TRAFD1: variants seen among roughly 807,000 people sequenced by gnomAD.
TRAFD1 encodes TRAF-type zinc finger domain containing 1.
Under a neutral mutation model 65.3 loss-of-function variants are expected in TRAFD1, and 38 were observed. That is an observed-to-expected ratio of 0.58 (90% CI 0.45 to 0.76). The LOEUF (loss-of-function observed/expected upper bound fraction) is 0.76. Ranked by LOEUF, TRAFD1 falls within the 30% of genes least tolerant of loss-of-function variation. The pLI is 0.00. For missense variants in TRAFD1, 631 were observed against 712.6 expected (o/e 0.89, Z 1.30); for synonymous variants, 223 against 257.2 (o/e 0.87, Z 1.27).
intron 8 of TRAFD1, 151 bp from the exon 9 acceptor site, chr12:112,149,600 C>G: frequency 1.0e-6 from 1 of 974,790 alleles, no homozygotes; most frequent in South Asian, 1.7e-5. Flanking sequence ...TGCAACCATT[C>G]CAGATGTGTG....
At chr12:112,143,123 A>C (rs1160371800) in intron 6 of TRAFD1, among the ~76,000 whole-genome samples, 1 of 151,166 alleles carries the variant, frequency 6.6e-6, no homozygotes, top group Non-Finnish European at 1.5e-5. Flanking sequence ...TCTGTTGCCC[A>C]GGCTGGAGTG....
chr12:112,147,774 CA>C lies in TRAFD1; in HGVS notation c.928-298del, dbSNP rs1354852378. On this transcript the variant is annotated intron_variant, in intron 7 of 11. Transcript: ENST00000412615. ...GCAACCTCTGCCTCTCAGGTTCAAG[CA>C]ATTCTCTGCCTCAGCCTCCCAGGTA... Among the ~76,000 whole-genome samples, 3 of 151,746 alleles carry C rather than the reference CA, an allele frequency of 2.0e-5. No individual in the cohort carries two copies. In the East Asian group the frequency reaches 5.8e-4, roughly 30 times the overall value.
rs754272953 is a variant in TRAFD1, at chr12:112,152,057, A to G, written c.1536A>G (p.Ser512=). ...GGGCCATAGCCCCTGGGCACGTTTC[A>G]GTGATTCGCCCTCCTCAAAATCTCT... ...QNGAIAPGHV[S]VIRPPQNLYP... The change falls in exon 10 of 12, where the codon TCA becomes TCG. Residue 512 remains serine (S), a synonymous_variant. Coordinates refer to ENST00000412615, the MANE Select transcript of TRAFD1 (RefSeq NM_006700.3). This position sits in a 1 kb window ranked among gnomAD's most constrained non-coding sequence, Gnocchi z 5.0. 2 of 1,614,238 alleles carry G rather than the reference A, an allele frequency of 1.2e-6. No individual in the cohort carries two copies. The highest frequency in any genetic ancestry group is 4.5e-5 in the East Asian group (2 of 44,876).
intron 1 of TRAFD1, among the ~76,000 whole-genome samples, chr12:112,127,962 C>T (rs904008762): frequency 7.2e-5 from 11 of 152,012 alleles, no homozygotes; most frequent in African/African-American, 2.4e-4. Flanking sequence ...CCCAGCCTTC[C>T]AGAGTGCTGG....
rs1244622845 is a variant in TRAFD1, at chr12:112,130,585, T to C, written c.47+16T>C. Reference sequence around the variant, plus strand: ...GTGACAACTGGTAAGACATTAAATCTAAGAAATGTTAGTGGAATGAGGACA... The same window carrying C: ...GTGACAACTGGTAAGACATTAAATCCAAGAAATGTTAGTGGAATGAGGACA... On this transcript the variant is annotated intron_variant, in intron 2 of 11. Transcript: ENST00000412615. The surrounding 1 kb of genome is among the most constrained non-coding windows in gnomAD (Gnocchi z 4.4). The C allele has an allele frequency of 6.2e-6, 10 of 1,607,746 alleles. No individual in the cohort carries two copies. Among genetic ancestry groups the C allele is most frequent in the Admixed American group, 1.7e-5 (1 of 59,738 alleles).
At chr12:112,148,331 T>A (rs780604751) in intron 8 of TRAFD1, 27 bp downstream of exon 8, 2 of 1,598,398 alleles carry the variant, frequency 1.3e-6, no homozygotes, top group South Asian at 2.2e-5. Flanking sequence ...TCCCTGTCCA[T>A]GTGGCTCTGT....
chr12:112,141,022 C>T lies in TRAFD1; in HGVS notation c.441C>T (p.Ala147=), dbSNP rs1235371401. ...GGGAGGAAAAGAGAAATGAGGTTGC[C>T]ATACCTCCTAATGCATATGATGAAT... ...REGEEKRNEV[A]IPPNAYDESW... The change falls in exon 5 of 12, where the codon GCC becomes GCT. Residue 147 remains alanine (A), a synonymous_variant. Coordinates refer to ENST00000412615, the MANE Select transcript of TRAFD1 (RefSeq NM_006700.3). 1 of 1,614,150 alleles carries T rather than the reference C, an allele frequency of 6.2e-7. No individual in the cohort carries two copies. The highest frequency in any genetic ancestry group is 8.5e-7 in the Non-Finnish European group (1 of 1,180,014).
At chr12:112,129,423 ACTC>A (rs1414622801) in intron 1 of TRAFD1, among the ~76,000 whole-genome samples, 1 of 150,844 alleles carries the variant, frequency 6.6e-6, no homozygotes, top group African/African-American at 2.4e-5. Flanking sequence ...CTGATCTTAA[ACTC>A]CTGGGTTCAA....
chr12:112,134,151 C>T (rs536528466), intron 2 of TRAFD1, among the ~76,000 whole-genome samples: 1 of 151,554 alleles, frequency 6.6e-6, no homozygotes, highest in South Asian at 2.1e-4. Flanking sequence ...GCTGAGATTA[C>T]AGGCATGTGC....
chr12:112,134,046 T>G (rs1270743537), intron 2 of TRAFD1, among the ~76,000 whole-genome samples: 5 of 148,104 alleles, frequency 3.4e-5, no homozygotes, highest in Admixed American at 6.7e-5. Flanking sequence ...GTTTTGCTCT[T>G]GTTGCCCAGG....
intron 6 of TRAFD1, among the ~76,000 whole-genome samples, chr12:112,145,312 T>C (rs2030208530): frequency 6.6e-6 from 1 of 152,208 alleles, no homozygotes; most frequent in South Asian, 2.1e-4. Flanking sequence ...TTTAAATCGC[T>C]TCCTTAGAGT....
At chr12:112,126,635 G>A (rs1848110506) in intron 1 of TRAFD1, among the ~76,000 whole-genome samples, 1 of 151,900 alleles carries the variant, frequency 6.6e-6, no homozygotes, top group South Asian at 2.1e-4. Flanking sequence ...TTCCTTAGTT[G>A]CCATTTCATA....
Position 112,152,746 on chromosome 12 carries a change from C to A in TRAFD1, c.1704C>A (p.Ser568=). The A allele has an allele frequency of 6.2e-7, 1 of 1,614,202 alleles. No individual in the cohort carries two copies. The highest frequency in any genetic ancestry group is 2.2e-5 in the East Asian group (1 of 44,896). The change falls in exon 12 of 12, where the codon TCC becomes TCA. Residue 568 remains serine (S), a synonymous_variant. Coordinates refer to ENST00000412615, the MANE Select transcript of TRAFD1 (RefSeq NM_006700.3). This position sits in a 1 kb window ranked among gnomAD's most constrained non-coding sequence, Gnocchi z 5.0. ...YRSRTAKAKP[S]KQQGAGDAEE... is the part of the protein sequence containing the mutation. ...GTGTTGTTCACCAGGCAAAGCCTTC[C>A]AAGCAACAGGGAGCTGGGGATGCAG...
chr12:112,145,789 C>G, intron 7 of TRAFD1, 127 bp downstream of exon 7: 1 of 809,922 alleles, frequency 1.2e-6, no homozygotes, highest in Non-Finnish European at 2.0e-6. Flanking sequence ...AGCAAGTGTT[C>G]TTTTCCATGA....
At chr12:112,142,484 C>T (rs988987525) in intron 6 of TRAFD1, among the ~76,000 whole-genome samples, 189 bp downstream of exon 6, 7 of 151,904 alleles carry the variant, frequency 4.6e-5, no homozygotes, top group African/African-American at 9.7e-5. Context: ...GTAATGATCT[C>T]GGCTCACTGC....
At chr12:112,139,492 C>T (rs1476339861) in intron 4 of TRAFD1, among the ~76,000 whole-genome samples, 2 of 151,454 alleles carry the variant, frequency 1.3e-5, no homozygotes, top group African/African-American at 2.4e-5. Flanking sequence ...GGTGTTATCC[C>T]AGCTCACTGC....
At chr12:112,139,462 C>T in intron 4 of TRAFD1, among the ~76,000 whole-genome samples, 1 of 150,456 alleles carries the variant, frequency 6.6e-6, no homozygotes. Flanking sequence ...TCCACTCTGT[C>T]ACCTAGGCTG....
intron 4 of TRAFD1, among the ~76,000 whole-genome samples, 166 bp downstream of exon 4, chr12:112,135,232 C>T (rs1181403940): frequency 6.6e-6 from 1 of 152,188 alleles, no homozygotes; most frequent in African/African-American, 2.4e-5. Context: ...CTGCCAGATT[C>T]GGCTACCTGG....
At chr12:112,148,408 A>T (rs1280169480) in intron 8 of TRAFD1, 104 bp downstream of exon 8, 1 of 982,488 alleles carries the variant, frequency 1.0e-6, no homozygotes, top group African/African-American at 1.6e-5. Flanking sequence ...CCATCCTGAC[A>T]AGGAATGCAC....
Sources: gnomAD v4.1 joint callset for allele counts (sites outside exome capture counted in the v4.1 genomes callset) on GRCh38, gnomAD v4.1.1 for gene constraint, Gnocchi (gnomAD v3.1) non-coding constraint, MANE v1.5 for transcripts, NCBI Gene and HGNC (gene_info 2026-07-23, HGNC 2026-07-21) for gene names.